The following CNTNAP4 variants were observed in gnomAD, a reference collection of about 807,000 sequenced individuals.
CNTNAP4 encodes contactin associated protein family member 4, also known as contactin-associated protein-like 4.
A neutral mutation model predicts 148.4 loss-of-function variants in CNTNAP4; 98 were observed. The ratio of observed to expected loss-of-function variants is 0.66; its 90% CI spans 0.56 to 0.78. CNTNAP4 has a LOEUF of 0.78. Ranked by LOEUF, CNTNAP4 falls within the 30% of genes least tolerant of loss-of-function variation. The probability of loss-of-function intolerance (pLI) is 0.00; values close to 1 mark genes in which losing one functional copy is unlikely to be tolerated. For synonymous variants in CNTNAP4, 730 were observed against 565.1 expected (o/e 1.29, Z -4.14); for missense variants, 1,935 against 1,565.6 (o/e 1.24, Z -3.98).
Position 76,479,549 on chromosome 16 carries a change from C to T in CNTNAP4, c.1882+11C>T. 6.3e-7 allele frequency: 1 copy of T among 1,599,124 alleles called. No homozygotes were observed. The highest frequency in any genetic ancestry group is 8.5e-7 in the Non-Finnish European group (1 of 1,175,666). ...ATTGCAATATGACCGGTGAGTTAATCAGCTTTTATTTTACAGTTAAATTTG... is the reference window on the plus strand; with the variant it reads ...ATTGCAATATGACCGGTGAGTTAATTAGCTTTTATTTTACAGTTAAATTTG... On this transcript the variant is annotated intron_variant, in intron 12 of 23. Coordinates refer to ENST00000611870, the MANE Select transcript of CNTNAP4 (RefSeq NM_033401.5).
At chr16:76,426,473 G>T (rs1256412994) in intron 3 of CNTNAP4, among the ~76,000 whole-genome samples, 1 of 152,126 alleles carries the variant, frequency 6.6e-6, no homozygotes. Flanking sequence ...CCATGACAAG[G>T]AAGGTGAGAA....
At chr16:76,308,371 A>G (rs931234204) in intron 1 of CNTNAP4, among the ~76,000 whole-genome samples, 1 of 152,232 alleles carries the variant, frequency 6.6e-6, no homozygotes, top group Admixed American at 6.5e-5. Context: ...TTCATCACCT[A>G]TGCTTAGAAA....
chr16:76,540,074 G>T (rs1455322949), intron 20 of CNTNAP4, among the ~76,000 whole-genome samples: 1 of 152,042 alleles, frequency 6.6e-6, no homozygotes, highest in Non-Finnish European at 1.5e-5. Context: ...TTTCTAACTT[G>T]TTTCTGCTCA....
chr16:76,444,835 C>G (rs918970577), intron 4 of CNTNAP4, among the ~76,000 whole-genome samples: 1 of 151,918 alleles, frequency 6.6e-6, no homozygotes, highest in African/African-American at 2.4e-5. Flanking sequence ...ATAATGTACT[C>G]GCATTGTGAA....
chr16:76,288,224 C>T (rs1035369434), intron 1 of CNTNAP4, among the ~76,000 whole-genome samples: 5 of 152,016 alleles, frequency 3.3e-5, no homozygotes, highest in Non-Finnish European at 2.9e-5. Flanking sequence ...CCATGTAAGA[C>T]GTGCCTGTTT....
intron 17 of CNTNAP4, 24 bp from the exon 18 acceptor site, chr16:76,535,521 C>G (rs759222366): frequency 1.9e-6 from 3 of 1,609,088 alleles, no homozygotes; most frequent in Non-Finnish European, 2.5e-6. Context: ...GAACATGTTT[C>G]CATTTGCAGT....
rs375521727 is a variant in CNTNAP4, at chr16:76,479,468, A to G, written c.1812A>G (p.Ser604=). Residue 604 remains serine, a synonymous_variant, in exon 12 of 24, where the codon TCA becomes TCG. Transcript: ENST00000611870. ...CEAYKHRGNT[S]GFYYIDSDGS... is the part of the protein sequence containing the mutation. ...CCTATAAGCACAGAGGAAATACTTC[A>G]GGGTTTTACTATATAGATTCAGATG... The G allele has an allele frequency of 1.9e-6, 3 of 1,610,772 alleles. No individual in the cohort carries two copies. In the African/African-American group the frequency reaches 4.0e-5, roughly 22 times the overall value.
intron 8 of CNTNAP4, among the ~76,000 whole-genome samples, chr16:76,460,464 A>G (rs914578364): frequency 6.6e-6 from 1 of 151,318 alleles, no homozygotes; most frequent in Middle Eastern, 3.4e-3. Flanking sequence ...CCATACTTAC[A>G]TAAGAATATA....
At chr16:76,557,553 C>A (rs2085248266) in intron 23 of CNTNAP4, 1 of 152,162 alleles carries the variant, frequency 6.6e-6, no homozygotes, top group Non-Finnish European at 1.5e-5. Context: ...TTTACAGCTT[C>A]ATTAAGGAGA....
At chr16:76,477,427 C>G (rs2081628313) in intron 11 of CNTNAP4, among the ~76,000 whole-genome samples, 1 of 152,116 alleles carries the variant, frequency 6.6e-6, no homozygotes, top group Non-Finnish European at 1.5e-5. Context: ...AGCCATCAGT[C>G]TCACCACCCT....
intron 15 of CNTNAP4, among the ~76,000 whole-genome samples, chr16:76,513,768 G>C (rs892889570): frequency 6.6e-6 from 1 of 152,078 alleles, no homozygotes; most frequent in African/African-American, 2.4e-5. Context: ...TAATTGCCGA[G>C]TTAAAATAAT....
chr16:76,328,815 T>A (rs969878663), intron 2 of CNTNAP4, among the ~76,000 whole-genome samples: 2 of 152,102 alleles, frequency 1.3e-5, no homozygotes, highest in African/African-American at 4.8e-5. Context: ...CTGGCTAATT[T>A]TGTATTTTTA....
At chr16:76,484,264 A>T (rs1005335624) in intron 12 of CNTNAP4, among the ~76,000 whole-genome samples, 1 of 127,338 alleles carries the variant, frequency 7.9e-6, no homozygotes, top group Non-Finnish European at 1.6e-5. Flanking sequence ...GATCCCAAAG[A>T]GGAGAGAAAT....
chr16:76,312,370 G>C (rs1961219104), intron 1 of CNTNAP4, among the ~76,000 whole-genome samples: 2 of 152,278 alleles, frequency 1.3e-5, no homozygotes, highest in South Asian at 4.1e-4. Flanking sequence ...GTGGTCCTTA[G>C]CTTTGCAAGT....
intron 1 of CNTNAP4, among the ~76,000 whole-genome samples, chr16:76,313,723 G>C (rs1961396257): frequency 1.3e-5 from 2 of 152,114 alleles, no homozygotes; most frequent in Admixed American, 1.3e-4. Flanking sequence ...GTAAGCTCTT[G>C]GGAAAGGCAT....
At chr16:76,527,198 C>T (rs1364415702) in intron 17 of CNTNAP4, among the ~76,000 whole-genome samples, 2 of 152,158 alleles carry the variant, frequency 1.3e-5, no homozygotes, top group African/African-American at 2.4e-5. Context: ...ATCACCTTCT[C>T]AGCAGTAAAT....
At chr16:76,441,095 T>C (rs2080020880) in intron 4 of CNTNAP4, among the ~76,000 whole-genome samples, 1 of 152,170 alleles carries the variant, frequency 6.6e-6, no homozygotes, top group Non-Finnish European at 1.5e-5. Context: ...CTCTCCTGCA[T>C]GTCTTAGAAA....
chr16:76,461,577 A>G (rs2080964152), intron 8 of CNTNAP4, among the ~76,000 whole-genome samples: 1 of 152,224 alleles, frequency 6.6e-6, no homozygotes, highest in South Asian at 2.1e-4. Flanking sequence ...ATCCTACCAT[A>G]AAAAGGTGGT....
At position 76,303,725 on chromosome 16, in the gene CNTNAP4, TG is replaced by T. The variant is rs1314890078; in HGVS notation, c.86-12687del. Among the ~76,000 whole-genome samples, 3 of 152,218 alleles carry T rather than the reference TG, an allele frequency of 2.0e-5. No homozygotes were observed. The East Asian group carries it at 5.8e-4, about 29-fold the overall frequency. The stretch of plus-strand genomic sequence containing the variant: ...TAAAATTCTGCTTTTCTGGAGAAAA[TG>T]AAACAAACAGCTCTGAAGCTGAAGA... On this transcript the variant is annotated intron_variant, in intron 1 of 23. Coordinates refer to ENST00000611870, the MANE Select transcript of CNTNAP4 (RefSeq NM_033401.5).
Sources: allele counts gnomAD v4.1 joint callset (sites outside exome capture counted in the v4.1 genomes callset), GRCh38; gene constraint gnomAD v4.1.1; transcripts MANE v1.5; gene names NCBI Gene and HGNC (gene_info 2026-07-23, HGNC 2026-07-21).